The following DCC variants were observed in gnomAD, a reference collection of about 807,000 sequenced individuals.
The protein encoded by DCC is DCC netrin 1 receptor, also known as netrin receptor DCC.
In DCC, 58 loss-of-function variants were observed where a neutral mutation model predicts 172.5. That is an observed-to-expected ratio of 0.34 (90% CI 0.27 to 0.42). The LOEUF is 0.42. DCC is among the 10% of genes least tolerant of loss of function. The pLI is 1.00. For missense variants in DCC, 1,740 were observed against 1,791.0 expected (o/e 0.97, Z 0.51); for synonymous variants, 709 against 644.5 (o/e 1.10, Z -1.52).
chr18:53,215,529 T>A lies in DCC; in HGVS notation c.1862-19T>A. ...AAGATTTTGGCAGTAACTGTGACAA[T>A]TTGTTTGATTCCTTTTAGTGCCAAG... On this transcript the variant is annotated intron_variant, in intron 11 of 28. Coordinates refer to ENST00000442544, the MANE Select transcript of DCC (RefSeq NM_005215.4). 1 of 1,611,302 alleles carries A rather than the reference T, an allele frequency of 6.2e-7. No homozygotes were observed. The highest frequency in any genetic ancestry group is 2.2e-5 in the East Asian group (1 of 44,852).
At chr18:52,826,499 A>G (rs1426697458) in intron 2 of DCC, among the ~76,000 whole-genome samples, 2 of 151,964 alleles carry the variant, frequency 1.3e-5, no homozygotes, top group Admixed American at 6.6e-5. Flanking sequence ...TTTAATGGGA[A>G]TGAGTCTTTC....
chr18:52,475,395 C>A (rs755210522), intron 1 of DCC, among the ~76,000 whole-genome samples: 2 of 151,998 alleles, frequency 1.3e-5, no homozygotes, highest in Non-Finnish European at 2.9e-5. Context: ...CCATTAAATT[C>A]TTGTATCATT....
chr18:53,348,787 T>C (rs557950906), intron 15 of DCC, among the ~76,000 whole-genome samples: 97 of 152,268 alleles, frequency 6.4e-4, no homozygotes, highest in African/African-American at 2.3e-3. Context: ...CTTTCAGTCA[T>C]GGCAGGAGTG....
At chr18:52,897,218 T>C (rs1048494063) in intron 2 of DCC, among the ~76,000 whole-genome samples, 2 of 152,160 alleles carry the variant, frequency 1.3e-5, no homozygotes, top group African/African-American at 4.8e-5. Flanking sequence ...CTACAGAGGA[T>C]GTTATATTGG....
intron 5 of DCC, among the ~76,000 whole-genome samples, chr18:53,028,821 T>C (rs2041990568): frequency 6.6e-6 from 1 of 152,164 alleles, no homozygotes; most frequent in Admixed American, 6.6e-5. Flanking sequence ...AGGAAACAAT[T>C]AGTATACCAC....
intron 2 of DCC, among the ~76,000 whole-genome samples, chr18:52,775,919 C>T (rs76955272): frequency 0.021 from 3,267 of 152,250 alleles, 76 homozygotes; most frequent in East Asian, 0.084. Flanking sequence ...CCGGCACTTC[C>T]CTGCCCCCTT....
intron 5 of DCC, among the ~76,000 whole-genome samples, chr18:53,047,512 A>G (rs2042272209): frequency 7.5e-6 from 1 of 132,954 alleles, no homozygotes; most frequent in South Asian, 2.4e-4. Context: ...GAGAAGTCAT[A>G]TATACTTGCG....
At chr18:53,491,775 C>A (rs2045962197) in intron 26 of DCC, among the ~76,000 whole-genome samples, 1 of 152,090 alleles carries the variant, frequency 6.6e-6, no homozygotes, top group Non-Finnish European at 1.5e-5. Flanking sequence ...TGAAGAGTGC[C>A]ACAATAAATA....
At chr18:53,514,115 T>G (rs983199890) in intron 27 of DCC, among the ~76,000 whole-genome samples, 1 of 152,028 alleles carries the variant, frequency 6.6e-6, no homozygotes, top group Non-Finnish European at 1.5e-5. Context: ...CAGACCACAG[T>G]GCAATCAAAC....
At chr18:53,256,154 T>A (rs551577524) in intron 12 of DCC, among the ~76,000 whole-genome samples, 1 of 152,308 alleles carries the variant, frequency 6.6e-6, no homozygotes, top group Admixed American at 6.5e-5. Context: ...TTTCTTCCAT[T>A]CTGTAGGTTG....
chr18:52,517,371 G>A (rs549377938), intron 1 of DCC, among the ~76,000 whole-genome samples: 13 of 152,154 alleles, frequency 8.5e-5, no homozygotes, highest in East Asian at 3.9e-4. Context: ...ACACTGCATT[G>A]CAGGTAGAAA....
At chr18:52,399,566 A>AT (rs1299126544) in intron 1 of DCC, among the ~76,000 whole-genome samples, 6 of 151,880 alleles carry the variant, frequency 4.0e-5, no homozygotes, top group African/African-American at 1.4e-4. Flanking sequence ...CTAAAAATCT[A>AT]TTTTTTTAGA....
chr18:52,520,760 G>T (rs552999976), intron 1 of DCC, among the ~76,000 whole-genome samples: 1 of 151,826 alleles, frequency 6.6e-6, no homozygotes, highest in East Asian at 1.9e-4. Context: ...TCCTAATAGT[G>T]TTAAGGGCCA....
intron 1 of DCC, among the ~76,000 whole-genome samples, chr18:52,393,532 G>A (rs1986107717): frequency 6.6e-6 from 1 of 152,022 alleles, no homozygotes; most frequent in Non-Finnish European, 1.5e-5. Flanking sequence ...CCTGGATGTG[G>A]ATCCAAGAAT....
intron 12 of DCC, among the ~76,000 whole-genome samples, chr18:53,261,565 T>C (rs916826338): frequency 1.3e-5 from 2 of 152,138 alleles, no homozygotes. Flanking sequence ...TGCATACCTG[T>C]CTCCAAAGTC....
intron 21 of DCC, among the ~76,000 whole-genome samples, chr18:53,417,834 G>A (rs1910409305): frequency 6.6e-6 from 1 of 151,892 alleles, no homozygotes; most frequent in Admixed American, 6.6e-5. Context: ...GTTTTTTAAG[G>A]TAACTGTTTT....
chr18:53,328,319 G>C (rs546450252), intron 14 of DCC, among the ~76,000 whole-genome samples: 8 of 152,234 alleles, frequency 5.3e-5, no homozygotes, highest in African/African-American at 1.4e-4. Context: ...TTTGGATCCA[G>C]CTCCATTTAC....
chr18:52,829,155 G>A (rs2038566070), intron 2 of DCC, among the ~76,000 whole-genome samples: 1 of 152,100 alleles, frequency 6.6e-6, no homozygotes, highest in African/African-American at 2.4e-5. Flanking sequence ...ATACAGAAAT[G>A]AAAACCTCAG....
chr18:52,422,553 G>A (rs558204902), intron 1 of DCC, among the ~76,000 whole-genome samples: 1 of 152,190 alleles, frequency 6.6e-6, no homozygotes, highest in Non-Finnish European at 1.5e-5. Context: ...AAACTACAAT[G>A]AATGTGCCTA....
Sources: allele counts gnomAD v4.1 joint callset (sites outside exome capture counted in the v4.1 genomes callset), GRCh38; gene constraint gnomAD v4.1.1; transcripts MANE v1.5; gene names NCBI Gene and HGNC (gene_info 2026-07-23, HGNC 2026-07-21).